PTPN4: variants seen among roughly 807,000 people sequenced by gnomAD.
PTPN4 encodes the protein tyrosine-protein phosphatase non-receptor type 4.
PTPN4 carries 49 observed loss-of-function variants against 135.5 expected under a neutral mutation model. That is an observed-to-expected ratio of 0.36 (90% CI 0.29 to 0.46). The LOEUF (loss-of-function observed/expected upper bound fraction) is 0.46. Among genes scored for constraint, PTPN4 ranks in the 20% least tolerant of loss-of-function variants. The pLI is 1.00. For synonymous variants in PTPN4, 333 were observed against 369.9 expected (o/e 0.90, Z 1.14); for missense variants, 860 against 1,101.0 (o/e 0.78, Z 3.10).
Position 119,826,231 on chromosome 2 carries a change from A to G in PTPN4, c.138+16240A>G, listed in dbSNP as rs551372515. ...ATAGAACACATTTTCCTATTTGTTCATTGCATATACCAAGTGAGACAGAAT... is the reference window on the plus strand; with the variant it reads ...ATAGAACACATTTTCCTATTTGTTCGTTGCATATACCAAGTGAGACAGAAT... On this transcript the variant is annotated intron_variant, in intron 2 of 26. Transcript: ENST00000263708. Among the ~76,000 whole-genome samples, 9 of 152,346 alleles carry G rather than the reference A, an allele frequency of 5.9e-5. No homozygotes were observed. The South Asian group carries it at 1.9e-3, about 32-fold the overall frequency.
chr2:119,974,083 T>C (rs988857473), intron 26 of PTPN4, among the ~76,000 whole-genome samples: 12 of 152,218 alleles, frequency 7.9e-5, no homozygotes, highest in African/African-American at 2.7e-4. Context: ...AAGCTTTCAA[T>C]ATAATGAATC....
rs1431306824 is a variant in PTPN4 at position 119,977,151 on chromosome 2, T to C, written c.*81T>C. On this transcript the variant is annotated 3_prime_UTR_variant, in exon 27 of 27. Transcript: ENST00000263708. ...GTGCCATAATGCTGCTCGCAGGAAA[T>C]GGCATTTTACAAAAAAAAAATGAAG... 1.4e-6 allele frequency: 2 copies of C among 1,383,730 alleles called. No homozygotes were observed. Among genetic ancestry groups the C allele is most frequent in the African/African-American group, 3.1e-5 (2 of 63,800 alleles). The allele number at this position is 1,383,730 out of a possible 1,614,324, so 85.7% of individuals were successfully genotyped here. A position where few individuals can be genotyped will look rare whatever the true frequency, so the allele number is the denominator to read the frequency against.
chr2:119,766,471 T>A (rs1405814425), intron 1 of PTPN4, among the ~76,000 whole-genome samples: 1 of 124,106 alleles, frequency 8.1e-6, no homozygotes, highest in Non-Finnish European at 1.6e-5. Context: ...TGTGTGTGTG[T>A]GTGTGTGTGT....
chr2:119,869,889 G>A (rs561385980), intron 3 of PTPN4, among the ~76,000 whole-genome samples: 1 of 152,300 alleles, frequency 6.6e-6, no homozygotes, highest in Admixed American at 6.5e-5. Context: ...CAAACCAGAG[G>A]AAAACTTACC....
chr2:119,965,021 C>A (rs1679425756), intron 24 of PTPN4, among the ~76,000 whole-genome samples: 1 of 151,954 alleles, frequency 6.6e-6, no homozygotes, highest in African/African-American at 2.4e-5. Context: ...GAGATGAGAT[C>A]TGGGATGGGG....
intron 1 of PTPN4, among the ~76,000 whole-genome samples, chr2:119,773,538 C>G (rs1017696291): frequency 2.0e-5 from 3 of 151,914 alleles, no homozygotes; most frequent in African/African-American, 7.3e-5. Flanking sequence ...GAGTTCAAGA[C>G]CAGCCTGACC....
chr2:119,785,013 G>T (rs902337066), intron 1 of PTPN4, among the ~76,000 whole-genome samples: 2 of 152,082 alleles, frequency 1.3e-5, no homozygotes, highest in African/African-American at 2.4e-5. Flanking sequence ...GTTAACAGTA[G>T]ATTAGAGTTT....
intron 26 of PTPN4, among the ~76,000 whole-genome samples, chr2:119,968,734 G>A (rs1050257544): frequency 6.6e-6 from 1 of 152,154 alleles, no homozygotes; most frequent in Non-Finnish European, 1.5e-5. Context: ...GGAGCTTGCA[G>A]TGAGCCGAGA....
At chr2:119,923,898 G>T (rs1678773976) in intron 12 of PTPN4, among the ~76,000 whole-genome samples, 1 of 152,146 alleles carries the variant, frequency 6.6e-6, no homozygotes, top group Admixed American at 6.5e-5. Context: ...AGCACTTTGG[G>T]AGGTCGAGGC....
At chr2:119,890,980 A>G (rs1021823499) in intron 9 of PTPN4, among the ~76,000 whole-genome samples, 2 of 152,144 alleles carry the variant, frequency 1.3e-5, no homozygotes, top group African/African-American at 4.8e-5. Flanking sequence ...GATTTTCTTT[A>G]TAGGTGATGA....
rs1409129739 is a variant in PTPN4 at position 119,877,259 on chromosome 2, G to A, written c.247-64G>A. The A allele has an allele frequency of 1.3e-5, 20 of 1,533,354 alleles. No individual in the cohort carries two copies. In the South Asian group the frequency reaches 2.1e-4, roughly 16 times the overall value. 95.0% of individuals were successfully genotyped at this position (1,533,354 alleles called of 1,614,324 possible). A position where few individuals can be genotyped will look rare whatever the true frequency, so the allele number is the denominator to read the frequency against. The stretch of plus-strand genomic sequence containing the variant: ...ATTAATCTCCAAATGGAACAGATTT[G>A]CAAGAATCAATATAGTAGTTCCTCA... On this transcript the variant is annotated intron_variant, in intron 3 of 26. Coordinates refer to ENST00000263708, the MANE Select transcript of PTPN4 (RefSeq NM_002830.4).
intron 23 of PTPN4, 83 bp from the exon 24 acceptor site, chr2:119,962,533 A>G: frequency 1.2e-6 from 1 of 833,686 alleles, no homozygotes; most frequent in Non-Finnish European, 1.6e-6. Context: ...TTTGAAATTT[A>G]TTAAAAAAAC....
At chr2:119,926,940 G>A (rs556028193) in intron 13 of PTPN4, among the ~76,000 whole-genome samples, 13 of 151,844 alleles carry the variant, frequency 8.6e-5, no homozygotes, top group African/African-American at 1.2e-4. Context: ...TATTCTGTTC[G>A]AGGTTGCTCC....
chr2:119,826,841 C>A (rs1378963892), intron 2 of PTPN4, among the ~76,000 whole-genome samples: 1 of 152,072 alleles, frequency 6.6e-6, no homozygotes, highest in East Asian at 1.9e-4. Context: ...GTTAGGGCAA[C>A]ATAGCAAGAC....
At chr2:119,907,392 G>A (rs910852304) in intron 10 of PTPN4, among the ~76,000 whole-genome samples, 1 of 152,090 alleles carries the variant, frequency 6.6e-6, no homozygotes, top group African/African-American at 2.4e-5. Flanking sequence ...TTGAGGCCAG[G>A]CATTTAATAC....
chr2:119,827,083 C>T (rs930242134), intron 2 of PTPN4, among the ~76,000 whole-genome samples: 3 of 152,152 alleles, frequency 2.0e-5, no homozygotes, highest in Non-Finnish European at 4.4e-5. Flanking sequence ...GTTTCTTCTT[C>T]AGAAAGTTGA....
intron 15 of PTPN4, among the ~76,000 whole-genome samples, chr2:119,935,292 T>C (rs1285997758): frequency 1.3e-5 from 2 of 152,174 alleles, no homozygotes; most frequent in Non-Finnish European, 2.9e-5. Flanking sequence ...AAAAGAACCA[T>C]AAGTATGAGT....
At chr2:119,910,198 C>G (rs34229456) in intron 10 of PTPN4, among the ~76,000 whole-genome samples, 1 of 151,956 alleles carries the variant, frequency 6.6e-6, no homozygotes, top group Non-Finnish European at 1.5e-5. Context: ...GATTACAACT[C>G]CTGAGGGCTC....
At chr2:119,799,268 T>A (rs530363101) in intron 1 of PTPN4, among the ~76,000 whole-genome samples, 1 of 152,370 alleles carries the variant, frequency 6.6e-6, no homozygotes, top group East Asian at 1.9e-4. Context: ...GCTGAAAAGT[T>A]ATAAAGCAGG....
Sources: gnomAD v4.1 joint callset for allele counts (sites outside exome capture counted in the v4.1 genomes callset) on GRCh38, gnomAD v4.1.1 for gene constraint, MANE v1.5 for transcripts, NCBI Gene and HGNC (gene_info 2026-07-23, HGNC 2026-07-21) for gene names.